Variants in MYRIP observed in about 807,000 individuals in gnomAD.
The protein encoded by MYRIP is rab effector MyRIP.
A neutral mutation model predicts 98.0 loss-of-function variants in MYRIP; 49 were observed. The observed-to-expected ratio is 0.50, with a 90% CI of 0.40 to 0.63. MYRIP has a LOEUF of 0.63. Among genes scored for constraint, MYRIP ranks in the 30% least tolerant of loss-of-function variants. The pLI, the probability that MYRIP is intolerant of heterozygous loss-of-function variation, is 0.00. For missense variants in MYRIP, 1,004 were observed against 1,058.2 expected (o/e 0.95, Z 0.71); for synonymous variants, 404 against 409.5 (o/e 0.99, Z 0.16).
At chr3:40,250,071 T>C (rs1359590888) in intron 13 of MYRIP, 151 bp from the exon 14 acceptor site, 2 of 647,064 alleles carry the variant, frequency 3.1e-6, no homozygotes, top group East Asian at 5.5e-5. Flanking sequence ...ACACACTAGA[T>C]AGAGGAGTGT....
intron 2 of MYRIP, among the ~76,000 whole-genome samples, chr3:39,979,642 A>C (rs1200482588): frequency 6.8e-6 from 1 of 146,702 alleles, no homozygotes; most frequent in African/African-American, 2.5e-5. Context: ...ACATCTCAAA[A>C]ACCAAAACAA....
chr3:40,173,812 T>G (rs994151445), intron 8 of MYRIP: 2 of 152,248 alleles, frequency 1.3e-5, no homozygotes, highest in African/African-American at 4.8e-5. Context: ...TCTCAGGATT[T>G]TATTTGTTTT....
At chr3:39,843,377 CAAG>C (rs1309143290) in intron 1 of MYRIP, among the ~76,000 whole-genome samples, 1 of 151,782 alleles carries the variant, frequency 6.6e-6, no homozygotes, top group Admixed American at 6.6e-5. Flanking sequence ...CGAAAAAAGA[CAAG>C]AAAGAAAAAG....
At chr3:39,888,286 A>G (rs1316498387) in intron 1 of MYRIP, among the ~76,000 whole-genome samples, 64 of 152,236 alleles carry the variant, frequency 4.2e-4, no homozygotes, top group South Asian at 4.1e-4. Flanking sequence ...CTATACTACA[A>G]GGCTACAGTA....
chr3:39,811,276 T>C (rs935253999), intron 1 of MYRIP, among the ~76,000 whole-genome samples: 1 of 152,160 alleles, frequency 6.6e-6, no homozygotes, highest in African/African-American at 2.4e-5. Context: ...AACTTTTTCA[T>C]TTATAAAATG....
intron 2 of MYRIP, among the ~76,000 whole-genome samples, chr3:39,996,553 A>G (rs1413574363): frequency 6.6e-6 from 1 of 152,150 alleles, no homozygotes; most frequent in East Asian, 1.9e-4. Context: ...GAGACCTACA[A>G]AGAGACTTAG....
chr3:40,122,991 A>T (rs1047746782), intron 3 of MYRIP, among the ~76,000 whole-genome samples: 3 of 152,176 alleles, frequency 2.0e-5, no homozygotes, highest in Non-Finnish European at 2.9e-5. Flanking sequence ...TAAGCATAGT[A>T]CCCAATAGGT....
chr3:40,188,041 C>T (rs748010716), intron 9 of MYRIP, among the ~76,000 whole-genome samples: 7 of 152,290 alleles, frequency 4.6e-5, no homozygotes, highest in Non-Finnish European at 5.9e-5. Context: ...GCGTCCTCCT[C>T]GTCAGTGAAA....
At chr3:40,174,240 G>A (rs1000864915) in intron 8 of MYRIP, 9 of 152,168 alleles carry the variant, frequency 5.9e-5, no homozygotes, top group Non-Finnish European at 1.3e-4. Context: ...GGAGGAACAA[G>A]GTTATCAGCT....
intron 3 of MYRIP, among the ~76,000 whole-genome samples, chr3:40,064,574 T>C (rs1477154711): frequency 6.6e-6 from 1 of 152,154 alleles, no homozygotes; most frequent in Non-Finnish European, 1.5e-5. Context: ...AAGGCAACAA[T>C]GTAAAACAAA....
chr3:40,035,834 G>A (rs957448560), intron 2 of MYRIP, among the ~76,000 whole-genome samples: 1 of 151,864 alleles, frequency 6.6e-6, no homozygotes, highest in African/African-American at 2.4e-5. Flanking sequence ...ATATTTAAGT[G>A]GAAACAAATC....
chr3:39,986,443 C>CTCTCT (rs1559549121), intron 2 of MYRIP, among the ~76,000 whole-genome samples: 2 of 144,222 alleles, frequency 1.4e-5, no homozygotes, highest in African/African-American at 5.7e-5. Context: ...TCTTTCTCTC[C>CTCTCT]CTCTCTCTCT....
At chr3:39,864,458 A>T (rs538769193) in intron 1 of MYRIP, among the ~76,000 whole-genome samples, 1 of 152,288 alleles carries the variant, frequency 6.6e-6, no homozygotes, top group South Asian at 2.1e-4. Flanking sequence ...AAGTTTCAGG[A>T]TACAAAAATA....
chr3:39,919,725 TGTGA>T lies in MYRIP; in HGVS notation c.110+18801_110+18804del, dbSNP rs112992704. On this transcript the variant is annotated intron_variant, in intron 2 of 16. Transcript: ENST00000302541. ...GTGTGTGTGTGTGTGTGTGTGTGTG[TGTGA>T]GAGAGAGAGAGAGAGAGAGAAATTC... Among the ~76,000 whole-genome samples, 77 of 143,912 alleles carry T rather than the reference TGTGA, an allele frequency of 5.4e-4. 1 individual carries two copies. In the Middle Eastern group the frequency reaches 0.018, roughly 34 times the overall value. The allele number at this position is 143,912 out of a possible 152,430, so 94.4% of individuals were successfully genotyped here.
intron 10 of MYRIP, among the ~76,000 whole-genome samples, chr3:40,197,163 A>G (rs143257911): frequency 4.0e-4 from 61 of 152,286 alleles, no homozygotes; most frequent in Non-Finnish European, 6.6e-4. Flanking sequence ...ACCTCAGGTC[A>G]TCAGGCATTA....
intron 3 of MYRIP, among the ~76,000 whole-genome samples, chr3:40,138,866 A>G (rs1256524687): frequency 6.6e-6 from 1 of 152,190 alleles, no homozygotes; most frequent in East Asian, 1.9e-4. Context: ...TATGTTGTAT[A>G]TTATTGTTAA....
At chr3:39,922,595 T>C (rs1944329659) in intron 2 of MYRIP, among the ~76,000 whole-genome samples, 1 of 152,146 alleles carries the variant, frequency 6.6e-6, no homozygotes. Flanking sequence ...GCAGAGATCT[T>C]GTGGGGAGCT....
At chr3:40,043,608 C>T (rs781424454) in intron 2 of MYRIP, among the ~76,000 whole-genome samples, 5 of 152,124 alleles carry the variant, frequency 3.3e-5, no homozygotes, top group Non-Finnish European at 5.9e-5. Flanking sequence ...ACTTCAGTTT[C>T]CAGGGATGTT....
intron 8 of MYRIP, among the ~76,000 whole-genome samples, chr3:40,181,722 G>C (rs1240022456): frequency 6.6e-6 from 1 of 152,018 alleles, no homozygotes; most frequent in Non-Finnish European, 1.5e-5. Context: ...TCAGTCACTT[G>C]AATTTCCATT....
Sources: allele counts gnomAD v4.1 joint callset (sites outside exome capture counted in the v4.1 genomes callset), GRCh38; gene constraint gnomAD v4.1.1; transcripts MANE v1.5; gene names NCBI Gene and HGNC (gene_info 2026-07-23, HGNC 2026-07-21).